The following CERS6 variants were observed in gnomAD, a reference collection of about 807,000 sequenced individuals.
CERS6 encodes the protein LAG1 homolog, ceramide synthase 6.
CERS6 carries 26 observed loss-of-function variants against 56.8 expected under a neutral mutation model. The ratio of observed to expected loss-of-function variants is 0.46; its 90% CI spans 0.34 to 0.63. CERS6 has a LOEUF of 0.63. CERS6 is among the 30% of genes least tolerant of loss of function. The pLI is 0.01. For synonymous variants in CERS6, 164 were observed against 173.3 expected, an observed-to-expected ratio of 0.95 and a Z score of 0.42; for missense variants, 415 against 467.5, an observed-to-expected ratio of 0.89 and a Z score of 1.04.
At position 168,631,023 on chromosome 2, in the gene CERS6, G is replaced by T; in HGVS notation, c.446G>T (p.Gly149Val). 6.5e-7 allele frequency: 1 copy of T among 1,530,000 alleles called. No homozygotes were observed. The highest frequency in any genetic ancestry group is 8.9e-7 in the Non-Finnish European group (1 of 1,121,486). The allele number at this position is 1,530,000 out of a possible 1,614,324, so 94.8% of individuals were successfully genotyped here. A position where few individuals can be genotyped will look rare whatever the true frequency, so the allele number is the denominator to read the frequency against. The change falls in exon 4 of 10, where the codon GGA becomes GTA. Residue 149 changes from glycine to valine, a missense_variant. Gly to Val is a moderately radical substitution (Grantham distance 109). Transcript: ENST00000305747. Reference sequence around the variant, plus strand: ...TTTTACCTTTATGTATTTACCTACGGAGTCAGATTCCTGAAAAAGGTAGGA... The same window carrying T: ...TTTTACCTTTATGTATTTACCTACGTAGTCAGATTCCTGAAAAAGGTAGGA... ...FSFYLYVFTY[G>V]VRFLKKTPWL...
intron 1 of CERS6, among the ~76,000 whole-genome samples, chr2:168,538,330 G>C (rs991889112): frequency 5.3e-5 from 8 of 150,958 alleles, no homozygotes; most frequent in Non-Finnish European, 1.2e-4. Context: ...CATTCCTCCT[G>C]TACTGGCTAA....
intron 4 of CERS6, among the ~76,000 whole-genome samples, chr2:168,690,786 C>A (rs1227198448): frequency 6.6e-6 from 1 of 152,088 alleles, no homozygotes; most frequent in Admixed American, 6.6e-5. Context: ...AGAAAAAACA[C>A]CAGCTGGAAC....
At chr2:168,520,243 C>T (rs973395547) in intron 1 of CERS6, among the ~76,000 whole-genome samples, 1 of 152,100 alleles carries the variant, frequency 6.6e-6, no homozygotes, top group African/African-American at 2.4e-5. Context: ...TGAGAAGTGT[C>T]TGTTTATGTC....
intron 4 of CERS6, among the ~76,000 whole-genome samples, chr2:168,653,797 C>A (rs1043780173): frequency 2.0e-5 from 3 of 152,150 alleles, no homozygotes; most frequent in Non-Finnish European, 2.9e-5. Context: ...CTTACAAATC[C>A]CTGTCTTAGC....
At chr2:168,674,889 G>T (rs1686015237) in intron 4 of CERS6, among the ~76,000 whole-genome samples, 2 of 152,238 alleles carry the variant, frequency 1.3e-5, no homozygotes, top group South Asian at 4.2e-4. Flanking sequence ...TTATGTTATT[G>T]ATGTTAGCTA....
chr2:168,746,821 A>ATATATATAT (rs1559078615), intron 8 of CERS6, among the ~76,000 whole-genome samples: 44 of 64,884 alleles, frequency 6.8e-4, no homozygotes, highest in Non-Finnish European at 1.0e-3. Flanking sequence ...ATATATATAT[A>ATATATATAT]AAATCATCTT....
chr2:168,520,110 A>T (rs1396138983), intron 1 of CERS6, among the ~76,000 whole-genome samples: 1 of 152,082 alleles, frequency 6.6e-6, no homozygotes, highest in Non-Finnish European at 1.5e-5. Flanking sequence ...TTGATTTTTT[A>T]ATAATAGCCA....
intron 8 of CERS6, among the ~76,000 whole-genome samples, chr2:168,748,293 A>T (rs4668104): frequency 0.47 from 71,240 of 152,032 alleles, 18,013 homozygotes; most frequent in Admixed American, 0.57. Flanking sequence ...GACTATGGAA[A>T]TAAGTAATTA....
At chr2:168,479,796 C>T (rs532648999) in intron 1 of CERS6, among the ~76,000 whole-genome samples, 9 of 152,008 alleles carry the variant, frequency 5.9e-5, no homozygotes, top group East Asian at 3.9e-4. Flanking sequence ...TCAGTAGAGA[C>T]GGGGTTTCTC....
At chr2:168,483,458 C>T (rs909962627) in intron 1 of CERS6, among the ~76,000 whole-genome samples, 1 of 152,058 alleles carries the variant, frequency 6.6e-6, no homozygotes, top group Non-Finnish European at 1.5e-5. Context: ...CAATCTCTTT[C>T]TAGAGGGAGT....
At chr2:168,760,762 A>G (rs3067012) in intron 8 of CERS6, among the ~76,000 whole-genome samples, 1 of 125,782 alleles carries the variant, frequency 8.0e-6, no homozygotes, top group Non-Finnish European at 1.9e-5. Flanking sequence ...TTATTTATTT[A>G]TTTATTTTTT....
At chr2:168,552,389 CACT>C (rs1366073610) in intron 2 of CERS6, among the ~76,000 whole-genome samples, 29 of 137,616 alleles carry the variant, frequency 2.1e-4, no homozygotes, top group African/African-American at 7.5e-4. Context: ...CACACACACA[CACT>C]ACACACACAA....
At chr2:168,683,899 G>A (rs1187098444) in intron 4 of CERS6, among the ~76,000 whole-genome samples, 2 of 152,136 alleles carry the variant, frequency 1.3e-5, no homozygotes, top group African/African-American at 4.8e-5. Context: ...AAAAGAGGCA[G>A]AAGTTGAGAA....
chr2:168,759,816 C>T (rs1684516427), intron 8 of CERS6, among the ~76,000 whole-genome samples: 1 of 151,628 alleles, frequency 6.6e-6, no homozygotes. Context: ...TACTTAAGGC[C>T]ATACCCCTTT....
intron 6 of CERS6, among the ~76,000 whole-genome samples, chr2:168,706,462 A>G (rs11686406): frequency 0.69 from 105,588 of 152,110 alleles, 40,172 homozygotes; most frequent in South Asian, 0.85. Context: ...TTTCATTTCT[A>G]TATGTTTCTA....
intron 2 of CERS6, among the ~76,000 whole-genome samples, chr2:168,558,607 C>T (rs1313467112): frequency 3.3e-5 from 5 of 152,230 alleles, no homozygotes; most frequent in African/African-American, 7.2e-5. Flanking sequence ...CGGTGGCTCA[C>T]GCCTGTAATC....
intron 8 of CERS6, among the ~76,000 whole-genome samples, chr2:168,725,000 G>A (rs1363237653): frequency 6.6e-6 from 1 of 152,226 alleles, no homozygotes; most frequent in Non-Finnish European, 1.5e-5. Flanking sequence ...GGAGGGGGTG[G>A]GAGGTTCAGG....
At chr2:168,559,006 T>C (rs13425581) in intron 2 of CERS6, among the ~76,000 whole-genome samples, 2,214 of 152,318 alleles carry the variant, frequency 0.015, 34 homozygotes, top group African/African-American at 0.038. Flanking sequence ...GGTGAAACTT[T>C]GGATAATTTT....
intron 6 of CERS6, among the ~76,000 whole-genome samples, chr2:168,714,590 T>C (rs1262453796): frequency 6.6e-6 from 1 of 152,234 alleles, no homozygotes. Context: ...AGCTTCAAAT[T>C]ATTTGGCTTG....
Sources: allele counts gnomAD v4.1 joint callset (sites outside exome capture counted in the v4.1 genomes callset), GRCh38; gene constraint gnomAD v4.1.1; transcripts MANE v1.5; gene names NCBI Gene and HGNC (gene_info 2026-07-23, HGNC 2026-07-21).